The following PRKN variants were observed in gnomAD, a reference collection of about 807,000 sequenced individuals.
PRKN encodes parkin RBR E3 ubiquitin protein ligase, also known as E3 ubiquitin-protein ligase parkin.
A neutral mutation model predicts 59.5 loss-of-function variants in PRKN; 56 were observed. That is an observed-to-expected ratio of 0.94 (90% CI 0.76 to 1.18). PRKN has a LOEUF of 1.18. Ranked by LOEUF, PRKN falls within the 50% of genes most tolerant of loss-of-function variation. The probability of loss-of-function intolerance (pLI) is 0.00; values close to 1 mark genes in which losing one functional copy is unlikely to be tolerated. For missense variants in PRKN, 657 were observed against 596.4 expected, an observed-to-expected ratio of 1.10 and a Z score of -1.06; for synonymous variants, 250 against 222.1, an observed-to-expected ratio of 1.13 and a Z score of -1.12.
chr6:162,038,706 A>G (rs1166445078), intron 5 of PRKN, among the ~76,000 whole-genome samples: 1 of 152,232 alleles, frequency 6.6e-6, no homozygotes, highest in Non-Finnish European at 1.5e-5. Flanking sequence ...ACTGATGTTG[A>G]CTTGAAAAAT....
intron 1 of PRKN, among the ~76,000 whole-genome samples, chr6:162,710,496 G>A (rs1012003108): frequency 1.3e-5 from 2 of 151,504 alleles, no homozygotes; most frequent in African/African-American, 4.9e-5. Context: ...TGGAAGAAAG[G>A]CACACTGAAC....
intron 1 of PRKN, among the ~76,000 whole-genome samples, chr6:162,630,340 A>G (rs1783058719): frequency 6.6e-6 from 1 of 152,156 alleles, no homozygotes; most frequent in South Asian, 2.1e-4. Context: ...AAAAGCTGCT[A>G]TCAATTACTT....
chr6:161,687,299 G>A (rs1469106393), intron 7 of PRKN, among the ~76,000 whole-genome samples: 6 of 136,130 alleles, frequency 4.4e-5, no homozygotes, highest in African/African-American at 1.7e-4. Context: ...TGAGACAGGG[G>A]AATTGCTTGA....
At position 161,529,295 on chromosome 6, in the gene PRKN, G is replaced by A. The variant is rs1195161998; in HGVS notation, c.1083+19559C>T. Reference sequence around the variant, plus strand: ...GGGATGATGTTGACACCTGGTTGTGGCTGACGGCTGTGTCCCTCCAGCTGC... The same window carrying A: ...GGGATGATGTTGACACCTGGTTGTGACTGACGGCTGTGTCCCTCCAGCTGC... On this transcript the variant is annotated intron_variant, in intron 9 of 11. Transcript: ENST00000366898. The surrounding 1 kb of genome is among the most constrained non-coding windows in gnomAD (Gnocchi z 4.4). Among the ~76,000 whole-genome samples the A allele has an allele frequency of 6.6e-6, 1 of 152,156 alleles. No individual in the cohort carries two copies. The highest frequency in any genetic ancestry group is 1.5e-5 in the Non-Finnish European group (1 of 68,040).
rs562141750 is a variant in PRKN, at chr6:162,111,575, C to T, written c.535-57401G>A. 1.3e-4 allele frequency among the ~76,000 whole-genome samples: 20 copies of T among 152,046 alleles called. 1 individual carries two copies. The South Asian group carries it at 3.7e-3, about 28-fold the overall frequency. On this transcript the variant is annotated intron_variant, in intron 4 of 11. Coordinates refer to ENST00000366898, the MANE Select transcript of PRKN (RefSeq NM_004562.3). ...ACATGTATCATGTTTTGTGTGAGTGCGGGGTGTGTGTAGCATGGGTATTTG... is the reference window on the plus strand; with the variant it reads ...ACATGTATCATGTTTTGTGTGAGTGTGGGGTGTGTGTAGCATGGGTATTTG...
chr6:161,666,072 C>G (rs1273476473), intron 7 of PRKN, among the ~76,000 whole-genome samples: 1 of 152,198 alleles, frequency 6.6e-6, no homozygotes, highest in Non-Finnish European at 1.5e-5. Flanking sequence ...CCTGGGCAGT[C>G]CCGTGAGCCT....
chr6:162,569,929 AT>A lies in PRKN; in HGVS notation c.8-126457del, dbSNP rs200405248. 9.2e-3 allele frequency among the ~76,000 whole-genome samples: 1,407 copies of A among 152,190 alleles called. 15 individuals carry two copies. The highest frequency in any genetic ancestry group is 0.014 in the Middle Eastern group (4 of 294). On this transcript the variant is annotated intron_variant, in intron 1 of 11. Coordinates refer to ENST00000366898, the MANE Select transcript of PRKN (RefSeq NM_004562.3). ...GCTACAAAACAACTCAACTGCTTTT[AT>A]TTTTTTCCCCCCAAAATAAAACCTC...
chr6:162,406,944 G>T (rs1788103418), intron 2 of PRKN, among the ~76,000 whole-genome samples: 1 of 151,948 alleles, frequency 6.6e-6, no homozygotes, highest in South Asian at 2.1e-4. Flanking sequence ...CCAACTTTCT[G>T]CCAGGTTTAA....
chr6:162,672,292 C>G (rs1050423762), intron 1 of PRKN, among the ~76,000 whole-genome samples: 1 of 151,922 alleles, frequency 6.6e-6, no homozygotes, highest in African/African-American at 2.4e-5. Context: ...AAAAAACATA[C>G]CATTGTGAAA....
At chr6:162,071,832 A>C (rs1310525907) in intron 4 of PRKN, among the ~76,000 whole-genome samples, 1 of 151,948 alleles carries the variant, frequency 6.6e-6, no homozygotes, top group Admixed American at 6.6e-5. Flanking sequence ...CCTGACTTCA[A>C]GTGATCCACC....
intron 2 of PRKN, among the ~76,000 whole-genome samples, chr6:162,402,633 C>CATAT (rs199645962): frequency 6.7e-6 from 1 of 149,152 alleles, no homozygotes; most frequent in Non-Finnish European, 1.5e-5. Flanking sequence ...CTTTCCTTGT[C>CATAT]ATATATATAT....
At chr6:162,440,571 T>C (rs1309405369) in intron 2 of PRKN, among the ~76,000 whole-genome samples, 2 of 152,152 alleles carry the variant, frequency 1.3e-5, no homozygotes, top group East Asian at 3.9e-4. Context: ...ATACTCACAA[T>C]ATCTCATTTT....
At position 161,419,429 on chromosome 6, in the gene PRKN, C is replaced by T. The variant is rs1326404358; in HGVS notation, c.1084-32552G>A. Among the ~76,000 whole-genome samples the T allele has an allele frequency of 6.6e-6, 1 of 151,828 alleles. No homozygotes were observed. Among genetic ancestry groups the T allele is most frequent in the Non-Finnish European group, 1.5e-5 (1 of 68,004 alleles). On this transcript the variant is annotated intron_variant, in intron 9 of 11. Transcript: ENST00000366898. This position sits in a 1 kb window ranked among gnomAD's most constrained non-coding sequence, Gnocchi z 4.1. ...TTTAAATGGAGTCTCGCTCTGTTGCCCAGGCTGGAGTGCAGTGGTGCCATC... is the reference window on the plus strand; with the variant it reads ...TTTAAATGGAGTCTCGCTCTGTTGCTCAGGCTGGAGTGCAGTGGTGCCATC...
intron 7 of PRKN, among the ~76,000 whole-genome samples, chr6:161,594,650 T>C (rs1396256476): frequency 2.0e-5 from 3 of 152,230 alleles, no homozygotes; most frequent in Non-Finnish European, 2.9e-5. Context: ...ACCAGTTAAG[T>C]TGTTTCTAGT....
intron 2 of PRKN, among the ~76,000 whole-genome samples, chr6:162,330,366 C>T (rs549716451): frequency 6.6e-6 from 1 of 152,246 alleles, no homozygotes; most frequent in South Asian, 2.1e-4. Context: ...TATACATGTA[C>T]ATAAGTTCTG....
intron 5 of PRKN, among the ~76,000 whole-genome samples, chr6:162,010,120 T>C (rs981262004): frequency 6.7e-6 from 1 of 149,152 alleles, no homozygotes; most frequent in Non-Finnish European, 1.5e-5. Context: ...TTGCCTTTGC[T>C]GCAGATGTCA....
chr6:161,939,519 G>T (rs1413272986), intron 6 of PRKN, among the ~76,000 whole-genome samples: 1 of 150,774 alleles, frequency 6.6e-6, no homozygotes, highest in African/African-American at 2.4e-5. Flanking sequence ...CTCACTTAAG[G>T]TCGGGAGTTC....
chr6:161,874,294 TTACATGTAAAATATTATATATAA>T (rs1472912637), intron 6 of PRKN, among the ~76,000 whole-genome samples: 10 of 41,222 alleles, frequency 2.4e-4, no homozygotes, highest in African/African-American at 9.9e-4. Context: ...ATATTATATA[TTACATGTAAAATATTATATATAA>T]AATATATATT....
At chr6:161,853,309 A>T (rs1229734713) in intron 6 of PRKN, among the ~76,000 whole-genome samples, 2 of 152,140 alleles carry the variant, frequency 1.3e-5, no homozygotes, top group Non-Finnish European at 2.9e-5. Flanking sequence ...TCTGAATACA[A>T]TTTATTTTAT....
Sources: allele counts gnomAD v4.1 joint callset (sites outside exome capture counted in the v4.1 genomes callset), GRCh38; gene constraint gnomAD v4.1.1; non-coding constraint Gnocchi (gnomAD v3.1); transcripts MANE v1.5; gene names NCBI Gene and HGNC (gene_info 2026-07-23, HGNC 2026-07-21).